CELF2: variants seen among roughly 807,000 people sequenced by gnomAD.
CELF2 encodes CUGBP Elav-like family member 2.
CELF2 carries 8 observed loss-of-function variants against 62.6 expected under a neutral mutation model. The ratio of observed to expected loss-of-function variants is 0.13; its 90% CI spans 0.07 to 0.23. CELF2 has a LOEUF of 0.23. Among genes scored for constraint, CELF2 ranks in the 10% least tolerant of loss-of-function variants. The pLI is 1.00. For missense variants in CELF2, 333 were observed against 671.0 expected (o/e 0.50, Z 5.56); for synonymous variants, 258 against 250.0 (o/e 1.03, Z -0.30).
chr10:11,025,207 A>ATGTG (rs372783836), intron 1 of CELF2, among the ~76,000 whole-genome samples: 2,074 of 141,222 alleles, frequency 0.015, 50 homozygotes, highest in African/African-American at 0.048. Flanking sequence ...ATATACATAT[A>ATGTG]TGTGTGTGTG....
At position 11,191,580 on chromosome 10, in the gene CELF2, A is replaced by G. The variant is rs2076300689; in HGVS notation, c.272-25845A>G. Reference sequence around the variant, plus strand: ...TTGAAATCTGAAGTCACTGAGTAGCAGGGGAGGTTGGAGCCTGGGGCACCC... The same window carrying G: ...TTGAAATCTGAAGTCACTGAGTAGCGGGGGAGGTTGGAGCCTGGGGCACCC... On this transcript the variant is annotated intron_variant, in intron 2 of 12. Transcript: ENST00000633077. This position sits in a 1 kb window ranked among gnomAD's most constrained non-coding sequence, Gnocchi z 4.1. Among the ~76,000 whole-genome samples, 1 of 152,134 alleles carries G rather than the reference A, an allele frequency of 6.6e-6. No homozygotes were observed. The highest frequency in any genetic ancestry group is 2.4e-5 in the African/African-American group (1 of 41,414).
chr10:10,573,174 C>A, the CELF2 span, among the ~76,000 whole-genome samples: 77 of 152,236 alleles, frequency 5.1e-4, no homozygotes, highest in East Asian at 0.011. Context: ...GGTTCATGTC[C>A]TTTGCCCACT....
intron 9 of CELF2, among the ~76,000 whole-genome samples, chr10:11,292,920 G>C (rs1156957761): frequency 1.3e-5 from 2 of 152,174 alleles, no homozygotes; most frequent in African/African-American, 4.8e-5. Flanking sequence ...GCCTGGAAGA[G>C]ACCCTTGTCT....
At chr10:10,706,522 A>G in the CELF2 span, among the ~76,000 whole-genome samples, 7 of 152,334 alleles carry the variant, frequency 4.6e-5, no homozygotes, top group South Asian at 6.2e-4. Flanking sequence ...AGAAAGGCCT[A>G]TGACCTTCAG....
At chr10:10,505,093 A>T in the CELF2 span, among the ~76,000 whole-genome samples, 2 of 152,112 alleles carry the variant, frequency 1.3e-5, no homozygotes, top group African/African-American at 4.8e-5. Flanking sequence ...TTTTATGATG[A>T]CTGGTTTTTT....
intron 2 of CELF2, among the ~76,000 whole-genome samples, chr10:10,984,994 G>A (rs1048510565): frequency 2.6e-5 from 4 of 152,078 alleles, no homozygotes; most frequent in Non-Finnish European, 5.9e-5. Context: ...ATTGACGAAT[G>A]TTTCACATTT....
rs1026035707 is a variant in CELF2, at chr10:10,934,260, T to C, written c.89+14261T>C. Among the ~76,000 whole-genome samples the C allele has an allele frequency of 2.6e-5, 4 of 152,206 alleles. No homozygotes were observed. The highest frequency in any genetic ancestry group is 2.0e-4 in the Admixed American group (3 of 15,286). On this transcript the variant is annotated intron_variant, in intron 2 of 13. Transcript: ENST00000636488. The surrounding 1 kb of genome is among the most constrained non-coding windows in gnomAD (Gnocchi z 4.4). ...GTTAGCAAGGTTAATCTGATGGTAATCTGTAACATCTATCATGGTGGGAAG... is the reference window on the plus strand; with the variant it reads ...GTTAGCAAGGTTAATCTGATGGTAACCTGTAACATCTATCATGGTGGGAAG...
the CELF2 span, among the ~76,000 whole-genome samples, chr10:10,620,945 G>A: frequency 1.2e-3 from 140 of 118,674 alleles, no homozygotes; most frequent in East Asian, 3.4e-3. Context: ...AAAAAAAGGC[G>A]GAGCGCGGTG....
At chr10:10,996,737 C>T (rs1358271786) in intron 2 of CELF2, among the ~76,000 whole-genome samples, 1 of 152,104 alleles carries the variant, frequency 6.6e-6, no homozygotes, top group Non-Finnish European at 1.5e-5. Flanking sequence ...TGGATTTGCC[C>T]CGCAGTTCTG....
intron 1 of CELF2, chr10:10,798,867 G>A: frequency 2.5e-6 from 1 of 398,954 alleles, no homozygotes; most frequent in Non-Finnish European, 4.4e-6. Context: ...TCATAGCCAA[G>A]GCCCTGCTCC....
the CELF2 span, among the ~76,000 whole-genome samples, chr10:10,659,736 C>T: frequency 6.6e-6 from 1 of 152,206 alleles, no homozygotes; most frequent in Non-Finnish European, 1.5e-5. Context: ...GGTTCCAGCT[C>T]CCTCAGTGAC....
At chr10:11,059,249 T>C (rs988768479) in intron 1 of CELF2, among the ~76,000 whole-genome samples, 1 of 152,226 alleles carries the variant, frequency 6.6e-6, no homozygotes. Flanking sequence ...ACACATTCTA[T>C]TCCTTAATCC....
chr10:10,687,819 C>A, the CELF2 span, among the ~76,000 whole-genome samples: 2 of 152,156 alleles, frequency 1.3e-5, no homozygotes, highest in African/African-American at 4.8e-5. Context: ...ACTCTCCTAC[C>A]CACTGTCAAT....
intron 1 of CELF2, among the ~76,000 whole-genome samples, chr10:10,801,944 C>A (rs954116017): frequency 6.6e-6 from 1 of 152,120 alleles, no homozygotes; most frequent in African/African-American, 2.4e-5. Context: ...CATGGAGAAA[C>A]CAGGGGTGGT....
intron 2 of CELF2, among the ~76,000 whole-genome samples, chr10:11,168,203 G>A (rs762153811): frequency 4.6e-5 from 7 of 152,176 alleles, no homozygotes; most frequent in Non-Finnish European, 1.0e-4. Context: ...TGGGGTAGGA[G>A]TTAGAGATGA....
chr10:11,234,318 A>G (rs1162024459), intron 3 of CELF2, among the ~76,000 whole-genome samples: 1 of 152,216 alleles, frequency 6.6e-6, no homozygotes, highest in Non-Finnish European at 1.5e-5. Flanking sequence ...ATAGTGCTCA[A>G]CAAATGTTTG....
the CELF2 span, among the ~76,000 whole-genome samples, chr10:10,535,447 C>T: frequency 3.9e-5 from 6 of 152,060 alleles, no homozygotes; most frequent in East Asian, 7.7e-4. Context: ...GGACCGGGTG[C>T]GGTGGCTCAC....
the CELF2 span, among the ~76,000 whole-genome samples, chr10:10,515,942 G>A: frequency 6.6e-6 from 1 of 152,146 alleles, no homozygotes; most frequent in African/African-American, 2.4e-5. Flanking sequence ...TGAAATAATG[G>A]TGCGTTTAAA....
chr10:10,512,759 G>A, the CELF2 span, among the ~76,000 whole-genome samples: 1 of 152,124 alleles, frequency 6.6e-6, no homozygotes, highest in African/African-American at 2.4e-5. Flanking sequence ...TATTTCTGCT[G>A]TTTGGTCAGT....
Sources: gnomAD v4.1 joint callset for allele counts (sites outside exome capture counted in the v4.1 genomes callset) on GRCh38, gnomAD v4.1.1 for gene constraint, Gnocchi (gnomAD v3.1) non-coding constraint, MANE v1.5 for transcripts, NCBI Gene and HGNC (gene_info 2026-07-23, HGNC 2026-07-21) for gene names.